Variants in KATNAL1 observed in about 807,000 individuals in gnomAD.
The protein encoded by KATNAL1 is katanin catalytic subunit A1 like 1, also known as katanin p60 ATPase-containing subunit A-like 1.
In KATNAL1, 32 loss-of-function variants were observed where a neutral mutation model predicts 55.2. That is an observed-to-expected ratio of 0.58 (90% CI 0.44 to 0.78). The LOEUF (loss-of-function observed/expected upper bound fraction) is 0.78. Ranked by LOEUF, KATNAL1 falls within the 30% of genes least tolerant of loss-of-function variation. KATNAL1 has a pLI of 0.00. For synonymous variants in KATNAL1, 193 were observed against 193.6 expected (o/e 1.00, Z 0.02); for missense variants, 466 against 600.9 (o/e 0.78, Z 2.35).
intron 3 of KATNAL1, among the ~76,000 whole-genome samples, chr13:30,278,708 T>C (rs1881049369): frequency 6.6e-6 from 1 of 152,228 alleles, no homozygotes; most frequent in African/African-American, 2.4e-5. Flanking sequence ...TTAATGACTT[T>C]CAGTAAAAAA....
rs1419724679 is a variant in KATNAL1 at position 30,204,455 on chromosome 13, G to A, written c.*4085C>T. On this transcript the variant is annotated 3_prime_UTR_variant, in exon 11 of 11. Transcript: ENST00000380615. ...TAGGGTGGGGGGAAAGTGAATCACAGCTACCTCAGCTGGTTAGTGTTTTAT... is the reference window on the plus strand; with the variant it reads ...TAGGGTGGGGGGAAAGTGAATCACAACTACCTCAGCTGGTTAGTGTTTTAT... 1 of 152,154 alleles carries A rather than the reference G, an allele frequency of 6.6e-6. No individual in the cohort carries two copies. The highest frequency in any genetic ancestry group is 1.5e-5 in the Non-Finnish European group (1 of 68,038). 9.4% of individuals were successfully genotyped at this position (152,154 alleles called of 1,614,324 possible). A position where few individuals can be genotyped will look rare whatever the true frequency, so the allele number is the denominator to read the frequency against.
intron 3 of KATNAL1, among the ~76,000 whole-genome samples, chr13:30,259,358 G>T (rs902964706): frequency 1.3e-5 from 2 of 151,842 alleles, no homozygotes; most frequent in African/African-American, 4.8e-5. Context: ...AAAAAAAAGT[G>T]GGGGGAGGAG....
rs1593809563 is a variant in KATNAL1 at position 30,202,725 on chromosome 13, A to C, written c.*5815T>G. ...TAGCAAAGTAGCAGCACAAAAGGTA[A>C]GGAAAAACACATTTAATAAATACAA... On this transcript the variant is annotated 3_prime_UTR_variant, in exon 11 of 11. Transcript: ENST00000380615. The C allele has an allele frequency of 6.6e-6, 1 of 152,362 alleles. No individual in the cohort carries two copies. Among genetic ancestry groups the C allele is most frequent in the East Asian group, 1.9e-4 (1 of 5,194 alleles). The allele number at this position is 152,362 out of a possible 1,614,324, so 9.4% of individuals were successfully genotyped here.
intron 3 of KATNAL1, among the ~76,000 whole-genome samples, chr13:30,275,634 A>AGAC: frequency 6.6e-6 from 1 of 152,314 alleles, no homozygotes; most frequent in African/African-American, 2.4e-5. Flanking sequence ...CTAGATATCT[A>AGAC]ATGTACAGCA....
intron 9 of KATNAL1, among the ~76,000 whole-genome samples, chr13:30,216,843 C>A (rs921926088): frequency 6.6e-6 from 1 of 152,200 alleles, no homozygotes; most frequent in Non-Finnish European, 1.5e-5. Context: ...ACAAATACCC[C>A]TTTTCATTCT....
At chr13:30,280,035 C>T in intron 3 of KATNAL1, 28 bp downstream of exon 3, 1 of 1,582,664 alleles carries the variant, frequency 6.3e-7, no homozygotes, top group African/African-American at 1.4e-5. Flanking sequence ...ACTAGAAGCA[C>T]CTAAAGAGAA....
At chr13:30,299,930 G>A (rs927047979) in intron 1 of KATNAL1, among the ~76,000 whole-genome samples, 1 of 152,002 alleles carries the variant, frequency 6.6e-6, no homozygotes, top group African/African-American at 2.4e-5. Context: ...CATCTTTTCA[G>A]CTACATCTCC....
chr13:30,261,673 T>G (rs1879296648), intron 3 of KATNAL1, among the ~76,000 whole-genome samples: 1 of 152,180 alleles, frequency 6.6e-6, no homozygotes, highest in South Asian at 2.1e-4. Context: ...CTAACTATCC[T>G]AAATATATAT....
intron 6 of KATNAL1, among the ~76,000 whole-genome samples, chr13:30,237,057 AGAC>A (rs779820897): frequency 1.9e-4 from 29 of 152,294 alleles, no homozygotes; most frequent in Middle Eastern, 6.8e-3. Context: ...TTACTCTATC[AGAC>A]ACTAGTCACA....
chr13:30,292,906 T>C (rs996600261), intron 1 of KATNAL1, among the ~76,000 whole-genome samples: 6 of 152,338 alleles, frequency 3.9e-5, no homozygotes, highest in African/African-American at 1.2e-4. Context: ...GGTTTCAATA[T>C]TAGGTTAAGA....
intron 8 of KATNAL1, among the ~76,000 whole-genome samples, chr13:30,230,134 T>G (rs913806979): frequency 6.6e-6 from 1 of 152,170 alleles, no homozygotes; most frequent in Non-Finnish European, 1.5e-5. Context: ...TGACTTGATA[T>G]TCCTATGAAA....
intron 1 of KATNAL1, among the ~76,000 whole-genome samples, chr13:30,294,132 A>G (rs1209264901): frequency 2.0e-5 from 3 of 152,198 alleles, no homozygotes; most frequent in Admixed American, 2.0e-4. Context: ...ACCCTACAAT[A>G]GCCTCTAAGT....
chr13:30,277,019 T>C lies in KATNAL1; in HGVS notation c.323+3044A>G, dbSNP rs933727865. Among the ~76,000 whole-genome samples, 13 of 152,280 alleles carry C rather than the reference T, an allele frequency of 8.5e-5. No individual in the cohort carries two copies. The South Asian group carries it at 2.5e-3, about 29-fold the overall frequency. The stretch of plus-strand genomic sequence containing the variant: ...TAAATAAAATAATGCATATAACACA[T>C]ACAGGAAGTGACTAATAATTATTAG... On this transcript the variant is annotated intron_variant, in intron 3 of 10. Coordinates refer to ENST00000380615, the MANE Select transcript of KATNAL1 (RefSeq NM_032116.5).
chr13:30,279,989 T>C (rs1881151713), intron 3 of KATNAL1, 74 bp downstream of exon 3: 4 of 1,331,728 alleles, frequency 3.0e-6, no homozygotes, highest in East Asian at 2.4e-5. Context: ...TTTTTCATAC[T>C]TTGTTCAAAA....
At chr13:30,274,891 A>ACGCGCGCGCGCGCGCG (rs138328965) in intron 3 of KATNAL1, among the ~76,000 whole-genome samples, 4 of 122,130 alleles carry the variant, frequency 3.3e-5, no homozygotes, top group Non-Finnish European at 6.8e-5. Context: ...GCACACACAT[A>ACGCGCGCGCGCGCGCG]CGCGCGCGCG....
At chr13:30,216,096 T>G (rs1226471804) in intron 9 of KATNAL1, among the ~76,000 whole-genome samples, 2 of 152,088 alleles carry the variant, frequency 1.3e-5, no homozygotes, top group African/African-American at 4.8e-5. Context: ...GTAACATGGA[T>G]AAATCTTAAA....
intron 2 of KATNAL1, among the ~76,000 whole-genome samples, chr13:30,282,285 G>A (rs1037851268): frequency 5.3e-5 from 8 of 152,228 alleles, no homozygotes; most frequent in African/African-American, 1.9e-4. Context: ...TTTCAAAAGA[G>A]TTTTGCAAAA....
chr13:30,304,739 C>T (rs1277935678), intron 1 of KATNAL1, among the ~76,000 whole-genome samples: 2 of 152,178 alleles, frequency 1.3e-5, no homozygotes, highest in African/African-American at 4.8e-5. Flanking sequence ...AATGCACCTC[C>T]ACCTGAATAT....
intron 1 of KATNAL1, among the ~76,000 whole-genome samples, chr13:30,289,897 G>C (rs986636456): frequency 5.3e-5 from 8 of 152,208 alleles, no homozygotes; most frequent in Non-Finnish European, 1.2e-4. Context: ...AAAGCAGCCA[G>C]AGACAATTTG....
Sources: allele counts gnomAD v4.1 joint callset (sites outside exome capture counted in the v4.1 genomes callset), GRCh38; gene constraint gnomAD v4.1.1; transcripts MANE v1.5; gene names NCBI Gene and HGNC (gene_info 2026-07-23, HGNC 2026-07-21).